The following NTRK2 variants were observed in gnomAD, a reference collection of about 807,000 sequenced individuals.
NTRK2 encodes the protein BDNF/NT-3 growth factors receptor.
NTRK2 carries 13 observed loss-of-function variants against 94.5 expected under a neutral mutation model. The observed-to-expected ratio is 0.14, with a 90% CI of 0.09 to 0.22. The LOEUF is 0.22. Among genes scored for constraint, NTRK2 ranks in the 10% least tolerant of loss-of-function variants. NTRK2 has a pLI of 1.00. For missense variants in NTRK2, 639 were observed against 1,071.2 expected (o/e 0.60, Z 5.63); for synonymous variants, 372 against 407.4 (o/e 0.91, Z 1.05).
In NTRK2 at chr9:84,798,940, AT is replaced by A. The variant is rs1564302721; in HGVS notation, c.1396+46856del. 2.4e-3 allele frequency among the ~76,000 whole-genome samples: 286 copies of A among 117,832 alleles called. 5 individuals are homozygous for A. Among genetic ancestry groups the A allele is most frequent in the Middle Eastern group, 9.3e-3 (2 of 216 alleles). The allele number at this position is 117,832 out of a possible 152,430, so 77.3% of individuals were successfully genotyped here. ...TATATATATATATATATATATATAT[AT>A]GCTTATTTAATCTGCACATCAGCCC... On this transcript the variant is annotated intron_variant, in intron 12 of 18. Coordinates refer to ENST00000277120, the MANE Select transcript of NTRK2 (RefSeq NM_006180.6).
intron 17 of NTRK2, among the ~76,000 whole-genome samples, chr9:84,978,320 A>C (rs1309081357): frequency 6.6e-6 from 1 of 152,254 alleles, no homozygotes; most frequent in Non-Finnish European, 1.5e-5. Context: ...CATGAATGAC[A>C]AGAAAGCAAA....
chr9:84,736,279 T>G (rs540502458), intron 9 of NTRK2, among the ~76,000 whole-genome samples: 2 of 152,322 alleles, frequency 1.3e-5, no homozygotes, highest in African/African-American at 4.8e-5. Context: ...GCTTCCTAAT[T>G]CGGGAGCTCC....
intron 17 of NTRK2, among the ~76,000 whole-genome samples, chr9:84,992,695 C>T (rs1255735574): frequency 1.3e-5 from 2 of 152,052 alleles, no homozygotes. Flanking sequence ...CAAAGTTATG[C>T]TTAGTCTAAT....
chr9:84,991,349 A>G (rs1829043834), intron 17 of NTRK2, among the ~76,000 whole-genome samples: 1 of 151,998 alleles, frequency 6.6e-6, no homozygotes, highest in African/African-American at 2.4e-5. Flanking sequence ...TGTGCTGGGC[A>G]CCCCGTGGAT....
intron 17 of NTRK2, among the ~76,000 whole-genome samples, chr9:84,962,992 C>T (rs531393420): frequency 6.6e-5 from 10 of 152,316 alleles, no homozygotes; most frequent in Admixed American, 4.6e-4. Context: ...CGGGCAATTT[C>T]TGATTGGTTC....
At chr9:84,897,520 C>A (rs1350271116) in intron 14 of NTRK2, among the ~76,000 whole-genome samples, 1 of 152,196 alleles carries the variant, frequency 6.6e-6, no homozygotes, top group African/African-American at 2.4e-5. Context: ...TGCCATAGTT[C>A]GGACTCCTGC....
intron 2 of NTRK2, 24 bp from the exon 3 acceptor site, chr9:84,702,135 G>A (rs982915637): frequency 2.5e-6 from 4 of 1,608,898 alleles, no homozygotes; most frequent in Admixed American, 1.7e-5. Context: ...GAGTCACTGC[G>A]ATTCACTCTC....
chr9:84,875,980 G>A lies in NTRK2; in HGVS notation c.1633+8549G>A, dbSNP rs138531573. On this transcript the variant is annotated intron_variant, in intron 14 of 18. Transcript: ENST00000277120. The stretch of plus-strand genomic sequence containing the variant: ...GTGATTTCAGAACCAAAGGCAGGGG[G>A]GAATCCCAGAAAGAAAACAATAATA... The A allele has an allele frequency of 2.9e-6, 3 of 1,037,284 alleles. No individual in the cohort carries two copies. In the African/African-American group the frequency reaches 5.0e-5, roughly 17 times the overall value. 64.3% of individuals were successfully genotyped at this position (1,037,284 alleles called of 1,614,324 possible). A position where few individuals can be genotyped will look rare whatever the true frequency, so the allele number is the denominator to read the frequency against.
rs1389028403 is a variant in NTRK2 at position 84,984,899 on chromosome 9, GA to G, written c.2172+29385del. Among the ~76,000 whole-genome samples, 7 of 152,292 alleles carry G rather than the reference GA, an allele frequency of 4.6e-5. No individual in the cohort carries two copies. In the East Asian group the frequency reaches 1.4e-3, roughly 29 times the overall value. On this transcript the variant is annotated intron_variant, in intron 17 of 18. Transcript: ENST00000277120. ...CAGCAGGTTGTTGTGGAGATCAAAT[GA>G]AAGAAATGTGTTACAAAACTTTAAG...
At chr9:85,015,942 G>A (rs1832176601) in intron 17 of NTRK2, among the ~76,000 whole-genome samples, 1 of 152,176 alleles carries the variant, frequency 6.6e-6, no homozygotes, top group South Asian at 2.1e-4. Context: ...GTCCAATGGG[G>A]AAAGGTTTGG....
chr9:84,879,144 G>A (rs1163165565), intron 14 of NTRK2, among the ~76,000 whole-genome samples: 1 of 152,152 alleles, frequency 6.6e-6, no homozygotes, highest in Non-Finnish European at 1.5e-5. Flanking sequence ...CAAAGAGAGA[G>A]AGAGAGAGAG....
chr9:84,672,220 C>T (rs2058744457), intron 2 of NTRK2, among the ~76,000 whole-genome samples: 1 of 152,170 alleles, frequency 6.6e-6, no homozygotes, highest in Non-Finnish European at 1.5e-5. Context: ...GCTGCTGATG[C>T]TTATGGTGTA....
chr9:84,818,291 G>C (rs968102376), intron 12 of NTRK2, among the ~76,000 whole-genome samples: 1 of 152,188 alleles, frequency 6.6e-6, no homozygotes, highest in Non-Finnish European at 1.5e-5. Flanking sequence ...GCTGGGGCTA[G>C]AGCGAGGCCA....
intron 14 of NTRK2, among the ~76,000 whole-genome samples, chr9:84,889,675 A>G (rs145132054): frequency 9.5e-4 from 144 of 152,350 alleles, no homozygotes; most frequent in African/African-American, 3.2e-3. Context: ...AGCCTCCCAA[A>G]GTGCTAGGAT....
intron 12 of NTRK2, among the ~76,000 whole-genome samples, chr9:84,768,151 C>A (rs1202340570): frequency 6.6e-6 from 1 of 152,124 alleles, no homozygotes; most frequent in South Asian, 2.1e-4. Flanking sequence ...CAGATTCTTA[C>A]CAATTTCAAC....
intron 12 of NTRK2, among the ~76,000 whole-genome samples, chr9:84,826,812 A>C (rs2073221623): frequency 6.6e-6 from 1 of 152,250 alleles, no homozygotes. Context: ...CATTCATTTA[A>C]TAAAAATTTA....
chr9:84,811,604 G>A, intron 12 of NTRK2: 1 of 1,065,602 alleles, frequency 9.4e-7, no homozygotes, highest in Non-Finnish European at 1.1e-6. Flanking sequence ...GTGAGCAGGA[G>A]AGGAGATTCT....
At chr9:84,723,449 T>C (rs1345186512) in intron 6 of NTRK2, 124 bp from the exon 7 acceptor site, 2 of 1,102,712 alleles carry the variant, frequency 1.8e-6, no homozygotes, top group African/African-American at 1.6e-5. Flanking sequence ...TCAACAGAAA[T>C]CAGTCTCAAA....
In NTRK2 at chr9:85,021,383, C is replaced by T. The variant is rs751823892; in HGVS notation, c.2463C>T (p.Thr821=). 9 of 1,614,048 alleles carry T rather than the reference C, an allele frequency of 5.6e-6. No homozygotes were observed. The highest frequency in any genetic ancestry group is 1.3e-5 in the African/African-American group (1 of 74,916). ...HMRKNIKGIH[T]LLQNLAKASP... is the part of the protein sequence containing the mutation. The stretch of plus-strand genomic sequence containing the variant: ...GGAAGAACATCAAGGGCATCCATAC[C>T]CTCCTTCAGAACTTGGCCAAGGCAT... The change falls in exon 19 of 19, where the codon ACC becomes ACT. Residue 821 remains threonine (T), a synonymous_variant. Coordinates refer to ENST00000277120, the MANE Select transcript of NTRK2 (RefSeq NM_006180.6).
Sources: gnomAD v4.1 joint callset for allele counts (sites outside exome capture counted in the v4.1 genomes callset) on GRCh38, gnomAD v4.1.1 for gene constraint, MANE v1.5 for transcripts, NCBI Gene and HGNC (gene_info 2026-07-23, HGNC 2026-07-21) for gene names.